The following C1QTNF6 variants were observed in gnomAD, a reference collection of about 807,000 sequenced individuals.
The protein encoded by C1QTNF6 is C1q and TNF related 6, also known as complement C1q tumor necrosis factor-related protein 6.
A neutral mutation model predicts 20.7 loss-of-function variants in C1QTNF6; 17 were observed. The ratio of observed to expected loss-of-function variants is 0.82; its 90% CI spans 0.56 to 1.23. The LOEUF (loss-of-function observed/expected upper bound fraction) is 1.23, where lower values mean the gene tolerates loss of function less well. Ranked by LOEUF, C1QTNF6 falls within the 50% of genes most tolerant of loss-of-function variation. C1QTNF6 has a pLI of 0.00. For missense variants in C1QTNF6, 329 were observed against 389.7 expected (o/e 0.84, Z 1.31); for synonymous variants, 130 against 156.3 (o/e 0.83, Z 1.25).
rs369425118 is a variant in C1QTNF6, at chr22:37,182,199, C to T, written c.826G>A (p.Glu276Lys). The T allele has an allele frequency of 8.4e-5, 136 of 1,610,756 alleles. No homozygotes were observed. In the South Asian group the frequency reaches 9.5e-4, roughly 11 times the overall value. ...TGGCCCAGAGGCCCTCAGTCGTCCT[C>T]GGCCTTGATGAGGTGGCCGCTGAAG... ...ITFSGHLIKA[E>K]DD The change falls in exon 3 of 3, where the codon GAG becomes AAG. Residue 276 changes from glutamate (E) to lysine (K), a missense_variant. Transcript: ENST00000337843.
At chr22:37,188,283 A>T, upstream of C1QTNF6, 6 of 1,153,014 alleles carry the variant, frequency 5.2e-6, no homozygotes, top group Non-Finnish European at 4.7e-6. Context: ...GGCCCAGCAG[A>T]GGAGGGAGAG....
intron 2 of C1QTNF6, among the ~76,000 whole-genome samples, chr22:37,183,446 C>A (rs1194712991): frequency 1.3e-5 from 2 of 152,262 alleles, no homozygotes; most frequent in Non-Finnish European, 2.9e-5. Flanking sequence ...GGTCTGGCAG[C>A]ATCTACAATG....
chr22:37,196,234 T>C (rs1925125989), intron 1 of C1QTNF6: 1 of 152,236 alleles, frequency 6.6e-6, no homozygotes, highest in Admixed American at 6.5e-5. Context: ...ACTATTCCCT[T>C]GTGGAAATGA....
chr22:37,185,112 G>A (rs1279227675), intron 2 of C1QTNF6, 106 bp downstream of exon 2: 2 of 1,454,894 alleles, frequency 1.4e-6, no homozygotes, highest in Non-Finnish European at 1.8e-6. Context: ...CAATAACTCA[G>A]GATGAAAGAG....
chr22:37,189,835 G>T (rs1206576274), upstream of C1QTNF6, among the ~76,000 whole-genome samples: 4 of 152,142 alleles, frequency 2.6e-5, no homozygotes, highest in African/African-American at 9.7e-5. Context: ...CAAATAAGAA[G>T]GCTTTCCATG....
chr22:37,182,433 G>A lies in C1QTNF6; in HGVS notation c.592C>T (p.His198Tyr). 1 of 1,614,262 alleles carries A rather than the reference G, an allele frequency of 6.2e-7. No individual in the cohort carries two copies. The highest frequency in any genetic ancestry group is 1.1e-5 in the South Asian group (1 of 91,088). The change falls in exon 3 of 3, where the codon CAC (histidine) becomes TAC (tyrosine). Residue 198 changes from histidine to tyrosine, a missense_variant. His to Tyr is a moderately conservative substitution (Grantham distance 83, BLOSUM62 2). Coordinates refer to ENST00000337843, the MANE Select transcript of C1QTNF6 (RefSeq NM_031910.4). Reference protein sequence around the residue: ...RGIYFFSLNVHSWNYKETYVH... With the variant: ...RGIYFFSLNVYSWNYKETYVH... ...TACGTCTCCTTGTAATTCCAGCTGT[G>A]CACATTGAGGCTGAAGAAGTAGATG...
chr22:37,185,589 C>G, intron 1 of C1QTNF6, 134 bp from the exon 2 acceptor site: 4 of 1,375,010 alleles, frequency 2.9e-6, no homozygotes, highest in Non-Finnish European at 3.8e-6. Context: ...GTTATTGTCC[C>G]CATCTATCAG....
In C1QTNF6 at chr22:37,184,765, G is replaced by C. The variant is rs1232622534; in HGVS notation, c.289+453C>G. 6.6e-6 allele frequency among the ~76,000 whole-genome samples: 1 copy of C among 152,128 alleles called. No individual in the cohort carries two copies. Among genetic ancestry groups the C allele is most frequent in the Middle Eastern group, 3.2e-3 (1 of 316 alleles). On this transcript the variant is annotated intron_variant, in intron 2 of 2. Transcript: ENST00000337843. The surrounding 1 kb of genome is among the most constrained non-coding windows in gnomAD (Gnocchi z 4.0). ...GCACCCCATGTGATCTGAGCCTGGT[G>C]CATCTCCCGGCCCTGCCCCAGGGCC...
At position 37,180,998 on chromosome 22, in the gene C1QTNF6, C is replaced by T. The variant is rs545969758; in HGVS notation, c.*1190G>A. 6.6e-5 allele frequency: 10 copies of T among 152,514 alleles called. No individual in the cohort carries two copies. Among genetic ancestry groups the T allele is most frequent in the East Asian group, 3.9e-4 (2 of 5,188 alleles). The allele number at this position is 152,514 out of a possible 1,614,324, so 9.4% of individuals were successfully genotyped here. ...CAAGGCCCCCTGGGGTTTGCTGTAA[C>T]GATGAGCACTGGGCAGGTGGATGAG... On this transcript the variant is annotated 3_prime_UTR_variant, in exon 3 of 3. Coordinates refer to ENST00000337843, the MANE Select transcript of C1QTNF6 (RefSeq NM_031910.4).
In C1QTNF6 at chr22:37,181,272, C is replaced by A; in HGVS notation, c.*916G>T. On this transcript the variant is annotated 3_prime_UTR_variant, in exon 3 of 3. Transcript: ENST00000337843. ...CGGGACCCAGCACAGAGTGAGTGCTCAGTGTTTAATGAATGAATAAATGAA... is the reference window on the plus strand; with the variant it reads ...CGGGACCCAGCACAGAGTGAGTGCTAAGTGTTTAATGAATGAATAAATGAA... 6.6e-6 allele frequency: 1 copy of A among 152,516 alleles called. No homozygotes were observed. Among genetic ancestry groups the A allele is most frequent in the Non-Finnish European group, 1.5e-5 (1 of 68,186 alleles). 9.4% of individuals were successfully genotyped at this position (152,516 alleles called of 1,614,324 possible). A position where few individuals can be genotyped will look rare whatever the true frequency, so the allele number is the denominator to read the frequency against.
upstream of C1QTNF6, among the ~76,000 whole-genome samples, chr22:37,192,408 T>C (rs1399175893): frequency 6.6e-6 from 1 of 152,202 alleles, no homozygotes; most frequent in East Asian, 1.9e-4. Context: ...GCAGATAAGG[T>C]CTGACTCTTT....
chr22:37,195,779 A>G (rs1601641810), intron 1 of C1QTNF6: 1 of 152,332 alleles, frequency 6.6e-6, no homozygotes, highest in East Asian at 1.9e-4. Flanking sequence ...GGACATTGCC[A>G]TGGCATTTGT....
Position 37,181,893 on chromosome 22 carries a change from G to A in C1QTNF6, c.*295C>T, listed in dbSNP as rs762303700. 2.1e-5 allele frequency: 9 copies of A among 421,250 alleles called. No homozygotes were observed. The highest frequency in any genetic ancestry group is 6.0e-5 in the African/African-American group (3 of 49,910). The allele number at this position is 421,250 out of a possible 1,614,324, so 26.1% of individuals were successfully genotyped here. A position where few individuals can be genotyped will look rare whatever the true frequency, so the allele number is the denominator to read the frequency against. ...CTGAGTCAGAATCTGCATTTAACAC[G>A]AACCCCGGGTGATTCGCATGCATTT... On this transcript the variant is annotated 3_prime_UTR_variant, in exon 3 of 3. Transcript: ENST00000337843.
chr22:37,188,202 G>A lies in C1QTNF6; in HGVS notation c.12C>T (p.Leu4=). MQW[L]RVRESPGEAT... ...CCTCCCCAGGCGACTCACGGACCCT[G>A]AGCCACTGCATGGCCTCTGGCTCCT... Residue 4 remains leucine (L), a synonymous_variant, in exon 1 of 3, where the codon CTC becomes CTT. Transcript: ENST00000337843. The A allele has an allele frequency of 6.2e-7, 1 of 1,609,628 alleles. No individual in the cohort carries two copies. Among genetic ancestry groups the A allele is most frequent in the South Asian group, 1.1e-5 (1 of 90,338 alleles).
At chr22:37,188,314 AGGGC>A (rs1924560508), upstream of C1QTNF6, 121 of 690,008 alleles carry the variant, frequency 1.8e-4, no homozygotes, top group Non-Finnish European at 2.2e-4. Flanking sequence ...GGAGGGAGAG[AGGGC>A]GGAGGGAGGG....
At chr22:37,186,065 G>C (rs1924307694) in intron 1 of C1QTNF6, 1 of 985,552 alleles carries the variant, frequency 1.0e-6, no homozygotes, top group Non-Finnish European at 1.2e-6. Flanking sequence ...AAAGAGATAA[G>C]AGAGTTCATT....
upstream of C1QTNF6, among the ~76,000 whole-genome samples, chr22:37,193,200 C>T (rs1489208142): frequency 6.6e-6 from 1 of 152,220 alleles, no homozygotes; most frequent in Non-Finnish European, 1.5e-5. Context: ...TAAAAGCTCT[C>T]TTAAAATGCA....
chr22:37,195,139 T>A (rs1925064846), intron 2 of C1QTNF6, among the ~76,000 whole-genome samples: 2 of 152,242 alleles, frequency 1.3e-5, no homozygotes, highest in Non-Finnish European at 2.9e-5. Context: ...CAAGGCAGAT[T>A]AATGAAAAGA....
At chr22:37,183,255 T>G (rs1923963575) in intron 2 of C1QTNF6, among the ~76,000 whole-genome samples, 1 of 152,218 alleles carries the variant, frequency 6.6e-6, no homozygotes, top group African/African-American at 2.4e-5. Flanking sequence ...CTGTGTGACC[T>G]CGGGCACTCC....
Sources: gnomAD v4.1 joint callset for allele counts (sites outside exome capture counted in the v4.1 genomes callset) on GRCh38, gnomAD v4.1.1 for gene constraint, Gnocchi (gnomAD v3.1) non-coding constraint, MANE v1.5 for transcripts, NCBI Gene and HGNC (gene_info 2026-07-23, HGNC 2026-07-21) for gene names.